FTO: variants seen among roughly 807,000 people sequenced by gnomAD.
FTO encodes the protein alpha-ketoglutarate-dependent dioxygenase FTO.
Under a neutral mutation model 63.9 loss-of-function variants are expected in FTO, and 47 were observed. The ratio of observed to expected loss-of-function variants is 0.74; its 90% CI spans 0.58 to 0.94. FTO has a LOEUF of 0.94. FTO is among the 40% of genes least tolerant of loss of function. FTO has a pLI of 0.00. For synonymous variants in FTO, 207 were observed against 224.4 expected, an observed-to-expected ratio of 0.92 and a Z score of 0.69; for missense variants, 562 against 618.1, an observed-to-expected ratio of 0.91 and a Z score of 0.96.
In FTO at chr16:53,905,675, A is replaced by G. The variant is rs138298617; in HGVS notation, c.1239+16724A>G. On this transcript the variant is annotated intron_variant, in intron 7 of 8. Transcript: ENST00000471389. ...TATTTTTTTCCTGAGAGTATTTATC[A>G]CTGTCCGAAATTATGTTTTATGTGT... is the stretch of plus-strand genomic sequence containing the variant. Among the ~76,000 whole-genome samples, 411 of 152,110 alleles carry G rather than the reference A, an allele frequency of 2.7e-3. 4 individuals are homozygous for G. Among genetic ancestry groups the G allele is most frequent in the African/African-American group, 8.4e-3 (348 of 41,464 alleles).
At chr16:53,954,480 A>G (rs1443151809) in intron 8 of FTO, among the ~76,000 whole-genome samples, 1 of 152,128 alleles carries the variant, frequency 6.6e-6, no homozygotes, top group East Asian at 1.9e-4. Flanking sequence ...TGATGTCACT[A>G]TCATTAAACA....
At chr16:53,736,452 T>C (rs1306759055) in intron 1 of FTO, among the ~76,000 whole-genome samples, 2 of 152,030 alleles carry the variant, frequency 1.3e-5, no homozygotes, top group Non-Finnish European at 2.9e-5. Context: ...CATCCTTCCT[T>C]TCTGTCACCT....
intron 7 of FTO, among the ~76,000 whole-genome samples, chr16:53,911,941 C>G (rs896645958): frequency 2.0e-5 from 3 of 152,188 alleles, no homozygotes; most frequent in Non-Finnish European, 2.9e-5. Flanking sequence ...ACTGTTAATG[C>G]TGTATATCAG....
At chr16:53,955,317 T>A (rs1383409199) in intron 8 of FTO, among the ~76,000 whole-genome samples, 2 of 152,100 alleles carry the variant, frequency 1.3e-5, no homozygotes, top group African/African-American at 4.8e-5. Flanking sequence ...GAGCTTACAG[T>A]CTAGTGGCAG....
intron 8 of FTO, among the ~76,000 whole-genome samples, chr16:54,097,757 C>T (rs1249212034): frequency 6.6e-6 from 1 of 152,132 alleles, no homozygotes; most frequent in Non-Finnish European, 1.5e-5. Context: ...CACACACGCA[C>T]ACACAAATGG....
At chr16:54,088,312 A>G (rs564439988) in intron 8 of FTO, among the ~76,000 whole-genome samples, 2 of 152,306 alleles carry the variant, frequency 1.3e-5, no homozygotes, top group East Asian at 3.9e-4. Flanking sequence ...ATATCAATCT[A>G]TTCTTTCAGA....
chr16:54,055,484 A>G (rs1161471661), intron 8 of FTO, among the ~76,000 whole-genome samples: 1 of 152,204 alleles, frequency 6.6e-6, no homozygotes, highest in Non-Finnish European at 1.5e-5. Context: ...CTGTTTTGCA[A>G]TTAGTGTTGA....
At chr16:53,994,103 T>A (rs1381667779) in intron 8 of FTO, 1 of 152,216 alleles carries the variant, frequency 6.6e-6, no homozygotes, top group Non-Finnish European at 1.5e-5. Flanking sequence ...TTCCTTTTAA[T>A]GCTTTAAAAC....
At chr16:53,997,963 A>G (rs1199026437) in intron 8 of FTO, among the ~76,000 whole-genome samples, 1 of 152,146 alleles carries the variant, frequency 6.6e-6, no homozygotes, top group Non-Finnish European at 1.5e-5. Flanking sequence ...AGAACCCTTA[A>G]TATTCCCATG....
At chr16:53,904,348 T>C (rs1384168280) in intron 7 of FTO, among the ~76,000 whole-genome samples, 1 of 152,220 alleles carries the variant, frequency 6.6e-6, no homozygotes, top group African/African-American at 2.4e-5. Flanking sequence ...TGGGAGCAAC[T>C]GTTCTCTTAA....
chr16:53,707,856 T>C lies in FTO; in HGVS notation c.45+3627T>C, dbSNP rs538223674. On this transcript the variant is annotated intron_variant, in intron 1 of 8. Coordinates refer to ENST00000471389, the MANE Select transcript of FTO (RefSeq NM_001080432.3). ...GAACAGTTCCATTCCAGAAGAAACT[T>C]TGTATTCATTTGCAGTTATTTCTCA... is the stretch of plus-strand genomic sequence containing the variant. 2.6e-5 allele frequency among the ~76,000 whole-genome samples: 4 copies of C among 152,294 alleles called. No homozygotes were observed. The East Asian group carries it at 7.7e-4, about 29-fold the overall frequency.
intron 1 of FTO, among the ~76,000 whole-genome samples, chr16:53,759,398 A>C (rs895450726): frequency 2.0e-5 from 3 of 152,200 alleles, no homozygotes; most frequent in African/African-American, 7.2e-5. Flanking sequence ...AGAGATTATC[A>C]AAGAAATAAT....
chr16:54,025,757 A>T (rs1414338387), intron 8 of FTO, among the ~76,000 whole-genome samples: 2 of 151,922 alleles, frequency 1.3e-5, no homozygotes, highest in Admixed American at 6.6e-5. Flanking sequence ...TCGCGCCTGT[A>T]ATCCCAGCAC....
intron 8 of FTO, among the ~76,000 whole-genome samples, chr16:53,938,280 T>G (rs1393629056): frequency 6.6e-6 from 1 of 152,244 alleles, no homozygotes; most frequent in Non-Finnish European, 1.5e-5. Flanking sequence ...TACGTTTGGT[T>G]CTTTCTTTGT....
chr16:54,001,469 T>C (rs1333515320), intron 8 of FTO, among the ~76,000 whole-genome samples: 1 of 152,184 alleles, frequency 6.6e-6, no homozygotes, highest in Non-Finnish European at 1.5e-5. Flanking sequence ...CTACTTCCTT[T>C]GGTGCTTAAC....
At chr16:53,785,921 A>AAC (rs1294503317) in intron 1 of FTO, among the ~76,000 whole-genome samples, 1 of 150,390 alleles carries the variant, frequency 6.6e-6, no homozygotes, top group Non-Finnish European at 1.5e-5. Context: ...AAAGAAAAAA[A>AAC]AAAAAAAAAG....
intron 8 of FTO, among the ~76,000 whole-genome samples, chr16:54,006,880 A>G (rs1599189773): frequency 6.6e-6 from 1 of 152,270 alleles, no homozygotes; most frequent in East Asian, 1.9e-4. Flanking sequence ...GAGAAATGGA[A>G]AGGCAGACCT....
intron 8 of FTO, among the ~76,000 whole-genome samples, chr16:54,018,184 C>T (rs1268960310): frequency 6.6e-6 from 1 of 152,004 alleles, no homozygotes; most frequent in Non-Finnish European, 1.5e-5. Flanking sequence ...AATTATTTCC[C>T]TAGGAGAGCT....
At chr16:53,820,085 T>A (rs999942114) in intron 2 of FTO, among the ~76,000 whole-genome samples, 2 of 150,946 alleles carry the variant, frequency 1.3e-5, no homozygotes, top group African/African-American at 4.9e-5. Flanking sequence ...CTCGGCTCAC[T>A]GTAACCTCTA....
Sources: allele counts gnomAD v4.1 joint callset (sites outside exome capture counted in the v4.1 genomes callset), GRCh38; gene constraint gnomAD v4.1.1; transcripts MANE v1.5; gene names NCBI Gene and HGNC (gene_info 2026-07-23, HGNC 2026-07-21).